The following ENTHD1 variants were observed in gnomAD, a reference collection of about 807,000 sequenced individuals.
ENTHD1 encodes the protein ENTH domain containing 1.
Under a neutral mutation model 39.1 loss-of-function variants are expected in ENTHD1, and 23 were observed. The observed-to-expected ratio is 0.59, with a 90% CI of 0.42 to 0.83. ENTHD1 has a LOEUF of 0.83. Among genes scored for constraint, ENTHD1 ranks in the 40% least tolerant of loss-of-function variants. The pLI, the probability that ENTHD1 is intolerant of heterozygous loss-of-function variation, is 0.00. For missense variants in ENTHD1, 624 were observed against 705.4 expected (o/e 0.88, Z 1.31); for synonymous variants, 230 against 258.2 (o/e 0.89, Z 1.05).
intron 2 of ENTHD1, among the ~76,000 whole-genome samples, chr22:39,869,077 C>G (rs777233822): frequency 8.5e-4 from 129 of 152,298 alleles, no homozygotes; most frequent in Non-Finnish European, 1.5e-3. Flanking sequence ...TCTCAAATAA[C>G]TGAGAACTGG....
chr22:39,832,312 AAAAT>A (rs908078574), intron 4 of ENTHD1, among the ~76,000 whole-genome samples: 4 of 152,290 alleles, frequency 2.6e-5, no homozygotes, highest in East Asian at 1.9e-4. Flanking sequence ...CTCTGTTTCT[AAAAT>A]AAATAAATAA....
intron 6 of ENTHD1, among the ~76,000 whole-genome samples, chr22:39,763,785 A>G (rs2065253450): frequency 6.6e-6 from 1 of 152,194 alleles, no homozygotes; most frequent in African/African-American, 2.4e-5. Context: ...TTCTCGCTAA[A>G]TTTTAAGTGT....
chr22:39,783,313 A>G (rs1053834034), intron 5 of ENTHD1, among the ~76,000 whole-genome samples: 4 of 151,492 alleles, frequency 2.6e-5, no homozygotes, highest in Admixed American at 6.6e-5. Flanking sequence ...TCAATGCTCA[A>G]TGACGATAGT....
intron 5 of ENTHD1, among the ~76,000 whole-genome samples, chr22:39,805,180 T>A (rs547265561): frequency 6.6e-6 from 1 of 152,332 alleles, no homozygotes; most frequent in African/African-American, 2.4e-5. Context: ...CCCTCATTCT[T>A]CTTTCATTCT....
At position 39,744,125 on chromosome 22, in the gene ENTHD1, TA is replaced by T. The variant is rs745523909; in HGVS notation, c.1377del (p.Phe459LeufsTer24). 6.2e-7 allele frequency: 1 copy of T among 1,614,074 alleles called. No individual in the cohort carries two copies. Among genetic ancestry groups the T allele is most frequent in the Non-Finnish European group, 8.5e-7 (1 of 1,179,992 alleles). On this transcript the variant is annotated frameshift_variant, in exon 7 of 7. Transcript: ENST00000325157. LOFTEE classifies it low-confidence loss of function (END_TRUNC). ...LSHQQLSSTS[F>X]KDEDKTAKLH... ...AGCTTGGCTGTCTTATCTTCATCTT[TA>T]AAGGAGGTAGAAGACAACTGTTGAT...
chr22:39,884,834 A>G (rs2066367430), intron 2 of ENTHD1, among the ~76,000 whole-genome samples: 2 of 152,200 alleles, frequency 1.3e-5, no homozygotes, highest in African/African-American at 2.4e-5. Flanking sequence ...TTCACAGCAC[A>G]TACACAAATT....
At chr22:39,790,851 C>A (rs895272433) in intron 5 of ENTHD1, among the ~76,000 whole-genome samples, 2 of 152,208 alleles carry the variant, frequency 1.3e-5, no homozygotes, top group African/African-American at 4.8e-5. Context: ...TGGGTGAAGA[C>A]TCACAACATG....
At chr22:39,824,948 T>C (rs1601620836) in intron 4 of ENTHD1, among the ~76,000 whole-genome samples, 1 of 152,332 alleles carries the variant, frequency 6.6e-6, no homozygotes, top group East Asian at 1.9e-4. Context: ...TCTACCCCTA[T>C]AGAAAACCTT....
chr22:39,805,168 C>T (rs962870918), intron 5 of ENTHD1, among the ~76,000 whole-genome samples: 4 of 152,206 alleles, frequency 2.6e-5, no homozygotes, highest in Non-Finnish European at 1.5e-5. Context: ...GAGAAAAATT[C>T]CCCCTCATTC....
chr22:39,883,855 C>CAAAAAAA (rs137949), intron 2 of ENTHD1, among the ~76,000 whole-genome samples: 1 of 68,580 alleles, frequency 1.5e-5, no homozygotes, highest in Admixed American at 1.6e-4. Flanking sequence ...CTCTGTCCCA[C>CAAAAAAA]AAAAAAAAAA....
chr22:39,795,859 A>G (rs2065545122), intron 5 of ENTHD1, among the ~76,000 whole-genome samples: 2 of 152,110 alleles, frequency 1.3e-5, no homozygotes, highest in South Asian at 2.1e-4. Context: ...TTATCAGCAT[A>G]TAGTTGTTCG....
At chr22:39,764,348 C>T (rs1157412132) in intron 6 of ENTHD1, among the ~76,000 whole-genome samples, 3 of 151,998 alleles carry the variant, frequency 2.0e-5, no homozygotes, top group African/African-American at 7.2e-5. Context: ...TGGTGGCATG[C>T]ACCTGTAGTC....
chr22:39,856,939 C>T (rs1601646031), intron 3 of ENTHD1, among the ~76,000 whole-genome samples: 1 of 151,670 alleles, frequency 6.6e-6, no homozygotes, highest in East Asian at 1.9e-4. Context: ...AGCAGAAATA[C>T]AGTCAATTTA....
chr22:39,789,046 T>C (rs958013417), intron 5 of ENTHD1, among the ~76,000 whole-genome samples: 1 of 152,146 alleles, frequency 6.6e-6, no homozygotes, highest in African/African-American at 2.4e-5. Context: ...TTTATTGCGG[T>C]GGTCTGGAAT....
At chr22:39,840,297 T>G (rs2065934081) in intron 3 of ENTHD1, among the ~76,000 whole-genome samples, 1 of 152,224 alleles carries the variant, frequency 6.6e-6, no homozygotes, top group Non-Finnish European at 1.5e-5. Flanking sequence ...ACCAAGGTTG[T>G]AAGTACTTTG....
intron 5 of ENTHD1, among the ~76,000 whole-genome samples, chr22:39,773,569 C>T (rs1366908215): frequency 6.6e-6 from 1 of 152,194 alleles, no homozygotes; most frequent in Non-Finnish European, 1.5e-5. Flanking sequence ...TAAGCATGTA[C>T]AGTTTATTGA....
chr22:39,877,022 C>A (rs1278926555), intron 2 of ENTHD1, among the ~76,000 whole-genome samples: 2 of 152,106 alleles, frequency 1.3e-5, no homozygotes, highest in Non-Finnish European at 2.9e-5. Context: ...ACATTGTAGG[C>A]ATAAAAGAGA....
intron 1 of ENTHD1, among the ~76,000 whole-genome samples, chr22:39,890,452 G>T (rs1194323500): frequency 6.6e-6 from 1 of 151,684 alleles, no homozygotes; most frequent in Non-Finnish European, 1.5e-5. Context: ...AACAAATATC[G>T]ATCTGTTTCT....
chr22:39,795,647 T>C (rs1247317229), intron 5 of ENTHD1, among the ~76,000 whole-genome samples: 6 of 151,772 alleles, frequency 4.0e-5, no homozygotes, highest in Non-Finnish European at 8.8e-5. Flanking sequence ...CAGGCTGGTC[T>C]CAAACTCCTG....
Sources: allele counts gnomAD v4.1 joint callset (sites outside exome capture counted in the v4.1 genomes callset), GRCh38; gene constraint gnomAD v4.1.1; transcripts MANE v1.5; gene names NCBI Gene and HGNC (gene_info 2026-07-23, HGNC 2026-07-21).